The following TBC1D14 variants were observed in gnomAD, a reference collection of about 807,000 sequenced individuals.
TBC1D14 encodes TBC1 domain family, member 14.
TBC1D14 carries 26 observed loss-of-function variants against 79.0 expected under a neutral mutation model. The ratio of observed to expected loss-of-function variants is 0.33; its 90% CI spans 0.24 to 0.46. The LOEUF (loss-of-function observed/expected upper bound fraction) is 0.46. Ranked by LOEUF, TBC1D14 falls within the 20% of genes least tolerant of loss-of-function variation. TBC1D14 has a pLI of 1.00. For missense variants in TBC1D14, 769 were observed against 887.6 expected (o/e 0.87, Z 1.70); for synonymous variants, 394 against 349.9 (o/e 1.13, Z -1.40).
rs760320536 is a variant in TBC1D14 at position 7,025,137 on chromosome 4, A to G, written c.1891A>G (p.Thr631Ala). Residue 631 changes from threonine to alanine, a missense_variant, in exon 13 of 14, where the codon ACC becomes GCC. Coordinates refer to ENST00000409757, the MANE Select transcript of TBC1D14 (RefSeq NM_020773.3). ...CCTGAAGCTGTTCGAGGACATCCTG[A>G]CCAAGATGGACTTCATTCACATGGC... ...GILKLFEDIL[T>A]KMDFIHMAQF... The G allele has an allele frequency of 6.2e-7, 1 of 1,614,018 alleles. No individual in the cohort carries two copies. The highest frequency in any genetic ancestry group is 8.5e-7 in the Non-Finnish European group (1 of 1,180,022).
chr4:6,992,699 T>C (rs1411460003), intron 3 of TBC1D14, among the ~76,000 whole-genome samples: 1 of 152,242 alleles, frequency 6.6e-6, no homozygotes, highest in African/African-American at 2.4e-5. Context: ...TTTGATTTCC[T>C]ATGAAATTGG....
At chr4:7,021,277 C>CA (rs1721807858) in intron 12 of TBC1D14, among the ~76,000 whole-genome samples, 1 of 152,204 alleles carries the variant, frequency 6.6e-6, no homozygotes, top group Admixed American at 6.5e-5. Context: ...AGCTGAGAGA[C>CA]ACGTCATTTG....
At position 6,998,384 on chromosome 4, in the gene TBC1D14, C is replaced by T. The variant is rs988833312; in HGVS notation, c.1046-701C>T. 4.0e-5 allele frequency among the ~76,000 whole-genome samples: 6 copies of T among 150,744 alleles called. No individual in the cohort carries two copies. In the East Asian group the frequency reaches 5.8e-4, roughly 15 times the overall value. The stretch of plus-strand genomic sequence containing the variant: ...AAAAAAAAAAAAAAAAAGCAGTGCT[C>T]GAACTGTTGGAAGTCAGCATGGAGC... On this transcript the variant is annotated intron_variant, in intron 5 of 13. Coordinates refer to ENST00000409757, the MANE Select transcript of TBC1D14 (RefSeq NM_020773.3).
chr4:6,921,059 C>G (rs1001334500), intron 1 of TBC1D14, among the ~76,000 whole-genome samples: 2 of 152,196 alleles, frequency 1.3e-5, no homozygotes, highest in African/African-American at 4.8e-5. Context: ...GGATTACAGG[C>G]GTGAGCCACT....
intron 2 of TBC1D14, among the ~76,000 whole-genome samples, chr4:6,928,209 T>TGTGGGGCAGAGGGAACAGC (rs1057153753): frequency 2.0e-5 from 3 of 151,978 alleles, no homozygotes; most frequent in African/African-American, 7.2e-5. Flanking sequence ...CCAGTGAAGG[T>TGTGGGGCAGAGGGAACAGC]GTGGGGCAGA....
intron 6 of TBC1D14, among the ~76,000 whole-genome samples, chr4:6,999,847 T>C (rs1348627051): frequency 1.3e-5 from 2 of 152,120 alleles, no homozygotes; most frequent in Admixed American, 6.5e-5. Context: ...CAGTGTCCAG[T>C]AGAGTGCACC....
chr4:7,009,965 A>C lies in TBC1D14; in HGVS notation c.1518+17A>C. 6.2e-7 allele frequency: 1 copy of C among 1,613,586 alleles called. No homozygotes were observed. The highest frequency in any genetic ancestry group is 1.3e-5 in the African/African-American group (1 of 75,046). ...GTGGGTTATGTAAGTGAAGTTTCTC[A>C]GTATTTTATAATGTTGTTATCTAAA... is the stretch of plus-strand genomic sequence containing the variant. On this transcript the variant is annotated intron_variant, in intron 10 of 13. Transcript: ENST00000409757.
chr4:6,948,748 G>C (rs2108996353), intron 2 of TBC1D14, among the ~76,000 whole-genome samples: 1 of 147,804 alleles, frequency 6.8e-6, no homozygotes, highest in South Asian at 2.1e-4. Flanking sequence ...CACCCAGGCT[G>C]GAGTGCAGTA....
chr4:6,911,518 C>G (rs1375179205), intron 1 of TBC1D14, among the ~76,000 whole-genome samples: 1 of 152,232 alleles, frequency 6.6e-6, no homozygotes, highest in Non-Finnish European at 1.5e-5. Context: ...CTGCCCCCAG[C>G]CTACCCTCTC....
At chr4:6,927,871 G>A (rs1047812591) in intron 2 of TBC1D14, among the ~76,000 whole-genome samples, 5 of 152,206 alleles carry the variant, frequency 3.3e-5, no homozygotes, top group African/African-American at 9.7e-5. Context: ...ATTTGAGGAC[G>A]ATTTTCATTT....
chr4:6,937,747 G>A (rs762440603), intron 2 of TBC1D14, among the ~76,000 whole-genome samples: 2 of 152,182 alleles, frequency 1.3e-5, no homozygotes, highest in Admixed American at 6.5e-5. Context: ...GCTCAGGGAC[G>A]TGTGAGGGTG....
At chr4:6,911,450 C>G (rs1293391360) in intron 1 of TBC1D14, among the ~76,000 whole-genome samples, 1 of 152,212 alleles carries the variant, frequency 6.6e-6, no homozygotes, top group Non-Finnish European at 1.5e-5. Context: ...CTCCGCTGTT[C>G]CAGCACTTTG....
chr4:6,938,753 A>C (rs1057280149), intron 2 of TBC1D14, among the ~76,000 whole-genome samples: 3 of 152,178 alleles, frequency 2.0e-5, no homozygotes, highest in African/African-American at 7.2e-5. Context: ...TGGATCCCGC[A>C]TTCACCCAGG....
At chr4:6,955,221 A>T (rs956062632) in intron 2 of TBC1D14, among the ~76,000 whole-genome samples, 1 of 152,158 alleles carries the variant, frequency 6.6e-6, no homozygotes, top group Admixed American at 6.5e-5. Context: ...GTGTGTGGCA[A>T]TGTCAGTTTT....
At chr4:7,024,361 C>T (rs1487034210) in intron 12 of TBC1D14, among the ~76,000 whole-genome samples, 1 of 152,106 alleles carries the variant, frequency 6.6e-6, no homozygotes, top group Non-Finnish European at 1.5e-5. Flanking sequence ...GTGGAGATGT[C>T]CCCACCCAGC....
In TBC1D14 at chr4:6,999,118, T is replaced by A; in HGVS notation, c.1079T>A (p.Leu360Gln). The A allele has an allele frequency of 6.2e-7, 1 of 1,614,184 alleles. No homozygotes were observed. The highest frequency in any genetic ancestry group is 1.7e-5 in the Admixed American group (1 of 60,018). ...GAAGCCCAGCGAAGGAAGAAGCAGC[T>A]GGAAGAAAGATGCAGAGTCGAGGAA... ...LKEAQRRKKQ[L>Q]EERCRVEESI... The change falls in exon 6 of 14, where the codon CTG (leucine) becomes CAG (glutamine). Residue 360 changes from leucine to glutamine, a missense_variant. Transcript: ENST00000409757.
intron 1 of TBC1D14, among the ~76,000 whole-genome samples, chr4:6,921,676 A>G (rs1723873295): frequency 7.6e-6 from 1 of 132,280 alleles, no homozygotes; most frequent in African/African-American, 2.9e-5. Flanking sequence ...GTAGGCATGC[A>G]CCACCACACC....
intron 2 of TBC1D14, among the ~76,000 whole-genome samples, chr4:6,956,179 A>T (rs957557391): frequency 6.6e-6 from 1 of 152,138 alleles, no homozygotes; most frequent in Non-Finnish European, 1.5e-5. Flanking sequence ...TTCTTAGAGA[A>T]TTCCCCAAAC....
At chr4:6,999,717 G>A (rs1719466951) in intron 6 of TBC1D14, among the ~76,000 whole-genome samples, 1 of 151,998 alleles carries the variant, frequency 6.6e-6, no homozygotes, top group East Asian at 1.9e-4. Context: ...ACTCCTGTGT[G>A]CTCTCCAAAG....
Sources: gnomAD v4.1 joint callset for allele counts (sites outside exome capture counted in the v4.1 genomes callset) on GRCh38, gnomAD v4.1.1 for gene constraint, MANE v1.5 for transcripts, NCBI Gene and HGNC (gene_info 2026-07-23, HGNC 2026-07-21) for gene names.